Variants in RIC1 observed in about 807,000 individuals in gnomAD.
RIC1 encodes RIC1 partner of RAB6A GEF complex.
A neutral mutation model predicts 169.0 loss-of-function variants in RIC1; 88 were observed. That is an observed-to-expected ratio of 0.52 (90% CI 0.44 to 0.62). RIC1 has a LOEUF of 0.62. Among genes scored for constraint, RIC1 ranks in the 20% least tolerant of loss-of-function variants. RIC1 has a pLI of 0.00. For missense variants in RIC1, 1,877 were observed against 1,725.5 expected, an observed-to-expected ratio of 1.09 and a Z score of -1.56; for synonymous variants, 790 against 601.5, an observed-to-expected ratio of 1.31 and a Z score of -4.59.
chr9:5,722,411 G>A (rs1428763780), intron 6 of RIC1, among the ~76,000 whole-genome samples: 1 of 143,570 alleles, frequency 7.0e-6, no homozygotes, highest in Non-Finnish European at 1.5e-5. Context: ...TGGGTCTATA[G>A]GTATGTATCA....
chr9:5,642,363 T>A (rs1209567495), intron 1 of RIC1, among the ~76,000 whole-genome samples: 1 of 143,466 alleles, frequency 7.0e-6, no homozygotes, highest in East Asian at 1.9e-4. Flanking sequence ...GAGCACTGGG[T>A]CTCATCCAAG....
chr9:5,648,192 C>T (rs776823656), intron 1 of RIC1, among the ~76,000 whole-genome samples: 4 of 152,128 alleles, frequency 2.6e-5, no homozygotes, highest in Non-Finnish European at 5.9e-5. Flanking sequence ...CCATGTTGTT[C>T]AGACTGGTCT....
At chr9:5,641,245 C>T (rs915148434) in intron 1 of RIC1, among the ~76,000 whole-genome samples, 9 of 151,982 alleles carry the variant, frequency 5.9e-5, no homozygotes, top group East Asian at 1.9e-4. Flanking sequence ...GCGCCCACCA[C>T]CACACCCGGC....
intron 17 of RIC1, among the ~76,000 whole-genome samples, chr9:5,761,500 G>C (rs944502475): frequency 1.3e-5 from 2 of 151,964 alleles, no homozygotes; most frequent in African/African-American, 4.8e-5. Flanking sequence ...GAATTCTTAA[G>C]AATTTTTTTT....
intron 2 of RIC1, among the ~76,000 whole-genome samples, chr9:5,666,801 T>C (rs1819794726): frequency 7.5e-6 from 1 of 133,014 alleles, no homozygotes; most frequent in Non-Finnish European, 1.7e-5. Context: ...TATTGATTTA[T>C]ATTGATTACC....
chr9:5,763,680 C>T lies in RIC1; in HGVS notation c.2653C>T (p.Pro885Ser). 6.2e-7 allele frequency: 1 copy of T among 1,614,192 alleles called. No individual in the cohort carries two copies. The highest frequency in any genetic ancestry group is 8.5e-7 in the Non-Finnish European group (1 of 1,180,030). ...GGAGCCCATTCCCGACCCTCTGCTT[C>T]CCACTGTGGCAAAATTTATCACTGA... is the stretch of plus-strand genomic sequence containing the variant. ...SREPIPDPLL[P>S]TVAKFITEFP... Residue 885 changes from proline to serine, a missense_variant, in exon 19 of 26, where the codon CCC (proline) becomes TCC (serine). By Grantham distance (74) the Pro-to-Ser change is moderately conservative. This residue lies in a region of RIC1 where 92 missense variants were observed against 151.5 expected (regional missense o/e 0.61). Transcript: ENST00000414202. The surrounding 1 kb of genome is among the most constrained non-coding windows in gnomAD (Gnocchi z 5.2).
chr9:5,653,072 G>T (rs1454606532), intron 1 of RIC1, among the ~76,000 whole-genome samples: 1 of 152,106 alleles, frequency 6.6e-6, no homozygotes, highest in Non-Finnish European at 1.5e-5. Context: ...ATGATGAATT[G>T]TTGAATTTGG....
In RIC1 at chr9:5,752,434, G is replaced by GT. The variant is rs1220966798; in HGVS notation, c.1453-757dup. On this transcript the variant is annotated intron_variant, in intron 12 of 25. Transcript: ENST00000414202. ...ATTTTTATATTGCATAATTTCATAA[G>GT]TTTTTTTTTGTTTTTTTTTTTTGGA... Among the ~76,000 whole-genome samples the GT allele has an allele frequency of 1.7e-4, 26 of 149,396 alleles. 1 individual carries two copies. The highest frequency in any genetic ancestry group is 6.4e-4 in the South Asian group (3 of 4,714).
Position 5,753,517 on chromosome 9 carries a change from T to C in RIC1, c.1492-19T>C. The C allele has an allele frequency of 6.8e-7, 1 of 1,472,634 alleles. No individual in the cohort carries two copies. Among genetic ancestry groups the C allele is most frequent in the Non-Finnish European group, 9.3e-7 (1 of 1,069,770 alleles). The allele number at this position is 1,472,634 out of a possible 1,614,324, so 91.2% of individuals were successfully genotyped here. On this transcript the variant is annotated intron_variant, in intron 13 of 25. Coordinates refer to ENST00000414202, the MANE Select transcript of RIC1 (RefSeq NM_020829.4). Reference sequence around the variant, plus strand: ...ATATAGGTTTGCAAGGAAAAGTTCTTATTTTTTTTTTTAAACAGTTTTCAG... The same window carrying C: ...ATATAGGTTTGCAAGGAAAAGTTCTCATTTTTTTTTTTAAACAGTTTTCAG...
downstream of RIC1, among the ~76,000 whole-genome samples, chr9:5,777,600 G>A (rs1053310229): frequency 2.6e-5 from 4 of 151,906 alleles, no homozygotes; most frequent in South Asian, 2.1e-4. Flanking sequence ...GAATATTTAC[G>A]ACTAAGTTTT....
At chr9:5,714,141 C>A in intron 4 of RIC1, 138 bp downstream of exon 4, 2 of 518,236 alleles carry the variant, frequency 3.9e-6, no homozygotes, top group East Asian at 6.4e-5. Context: ...GCTTGATTAA[C>A]CCTTATAAGA....
chr9:5,670,811 C>T (rs1820044431), intron 2 of RIC1, among the ~76,000 whole-genome samples: 2 of 152,198 alleles, frequency 1.3e-5, no homozygotes, highest in South Asian at 4.1e-4. Context: ...TCAAATAAGT[C>T]TTCCCCAATA....
intron 17 of RIC1, among the ~76,000 whole-genome samples, chr9:5,761,295 G>A (rs1250873551): frequency 6.6e-6 from 1 of 151,522 alleles, no homozygotes; most frequent in Non-Finnish European, 1.5e-5. Context: ...TGTGTTTTTA[G>A]TAGAGACGGG....
intron 2 of RIC1, among the ~76,000 whole-genome samples, chr9:5,660,580 G>C (rs1819393079): frequency 6.6e-6 from 1 of 152,104 alleles, no homozygotes; most frequent in African/African-American, 2.4e-5. Flanking sequence ...TTGTGGTTTT[G>C]ACTTGAATTT....
At chr9:5,656,071 T>G (rs1344547921) in intron 1 of RIC1, among the ~76,000 whole-genome samples, 1 of 152,054 alleles carries the variant, frequency 6.6e-6, no homozygotes, top group Non-Finnish European at 1.5e-5. Context: ...GGGGTTTCAC[T>G]GTGTTAGCCA....
At chr9:5,770,036 G>C in intron 22 of RIC1, 51 bp from the exon 23 acceptor site, 1 of 1,462,324 alleles carries the variant, frequency 6.8e-7, no homozygotes, top group Non-Finnish European at 9.3e-7. Flanking sequence ...ATGTCAGTGT[G>C]TGCATCTTCA....
intron 4 of RIC1, among the ~76,000 whole-genome samples, chr9:5,715,095 G>T (rs1343636506): frequency 6.6e-6 from 1 of 152,096 alleles, no homozygotes; most frequent in Admixed American, 6.6e-5. Context: ...ATTATTATTT[G>T]CTTAAATGTA....
chr9:5,718,139 CAAAAAAAAAAAAAA>C (rs35477806), intron 4 of RIC1, among the ~76,000 whole-genome samples: 3 of 28,082 alleles, frequency 1.1e-4, no homozygotes, highest in Admixed American at 6.3e-4. Context: ...GACTCCGTCT[CAAAAAAAAAAAAAA>C]AAAAAAAAAA....
rs1490990484 is a variant in RIC1, at chr9:5,682,570, T to C, written c.253-7389T>C. 2.0e-5 allele frequency among the ~76,000 whole-genome samples: 3 copies of C among 152,204 alleles called. No homozygotes were observed. The East Asian group carries it at 5.8e-4, about 29-fold the overall frequency. ...CTTCTCTTTGTGGGTAACCCGACCT[T>C]TCTCTGTGGCTGCCCTTAACATTTT... is the stretch of plus-strand genomic sequence containing the variant. On this transcript the variant is annotated intron_variant, in intron 2 of 25. Transcript: ENST00000414202.
Sources: allele counts gnomAD v4.1 joint callset (sites outside exome capture counted in the v4.1 genomes callset), GRCh38; gene constraint gnomAD v4.1.1; regional missense constraint gnomAD v4.1.1; non-coding constraint Gnocchi (gnomAD v3.1); transcripts MANE v1.5; gene names NCBI Gene and HGNC (gene_info 2026-07-23, HGNC 2026-07-21).